The following RNF14 variants were observed in gnomAD, a reference collection of about 807,000 sequenced individuals.
The protein encoded by RNF14 is ring finger protein 14.
In RNF14, 26 loss-of-function variants were observed where a neutral mutation model predicts 52.6. The ratio of observed to expected loss-of-function variants is 0.49; its 90% CI spans 0.36 to 0.69. RNF14 has a LOEUF of 0.69. Among genes scored for constraint, RNF14 ranks in the 30% least tolerant of loss-of-function variants. The probability of loss-of-function intolerance (pLI) is 0.00; values close to 1 mark genes in which losing one functional copy is unlikely to be tolerated. For synonymous variants in RNF14, 194 were observed against 202.0 expected, an observed-to-expected ratio of 0.96 and a Z score of 0.34; for missense variants, 404 against 560.4, an observed-to-expected ratio of 0.72 and a Z score of 2.82.
intron 1 of RNF14, among the ~76,000 whole-genome samples, chr5:141,969,978 A>G (rs1279248063): frequency 6.6e-6 from 1 of 152,232 alleles, no homozygotes; most frequent in East Asian, 1.9e-4. Flanking sequence ...AGACAATGTG[A>G]AAGGACCTAA....
upstream of RNF14, chr5:141,956,980 A>G (rs1314338562): frequency 1.2e-6 from 2 of 1,614,056 alleles, no homozygotes; most frequent in Non-Finnish European, 1.7e-6. Flanking sequence ...GGTGTCCAGC[A>G]CCTCTGGAGG....
At chr5:141,961,674 C>G (rs1226653391) in intron 1 of RNF14, among the ~76,000 whole-genome samples, 3 of 152,184 alleles carry the variant, frequency 2.0e-5, no homozygotes, top group African/African-American at 7.2e-5. Context: ...GAAGGCCTCA[C>G]TAACCACCAA....
upstream of RNF14, among the ~76,000 whole-genome samples, chr5:141,967,707 C>T (rs144980658): frequency 7.2e-3 from 1,090 of 152,276 alleles, 7 homozygotes; most frequent in Middle Eastern, 0.02. Context: ...TATGAAAAAG[C>T]GGACACAGGA....
chr5:141,966,384 A>G (rs1014816394), upstream of RNF14, among the ~76,000 whole-genome samples: 1 of 152,224 alleles, frequency 6.6e-6, no homozygotes, highest in Non-Finnish European at 1.5e-5. Flanking sequence ...ATAAATAAAA[A>G]TGTCATAAAT....
chr5:141,989,328 G>C lies in RNF14; in HGVS notation c.*1538G>C, dbSNP rs1755470648. 6.6e-6 allele frequency: 1 copy of C among 152,156 alleles called. No individual in the cohort carries two copies. Among genetic ancestry groups the C allele is most frequent in the Admixed American group, 6.5e-5 (1 of 15,274 alleles). 9.4% of individuals were successfully genotyped at this position (152,156 alleles called of 1,614,324 possible). A position where few individuals can be genotyped will look rare whatever the true frequency, so the allele number is the denominator to read the frequency against. The stretch of plus-strand genomic sequence containing the variant: ...TTACCTGGGCTTGTGACTGAGCTTA[G>C]GTTTTAGGGCCCATATTTTGTTTAA... On this transcript the variant is annotated 3_prime_UTR_variant, in exon 9 of 9. Transcript: ENST00000394520.
intron 6 of RNF14, among the ~76,000 whole-genome samples, chr5:141,981,232 A>G (rs1754745571): frequency 6.6e-6 from 1 of 152,240 alleles, no homozygotes; most frequent in South Asian, 2.1e-4. Flanking sequence ...ATATATAGAA[A>G]TTGAGAGGGT....
At chr5:141,980,014 G>T in intron 5 of RNF14, 109 bp from the exon 6 acceptor site, 2 of 821,152 alleles carry the variant, frequency 2.4e-6, no homozygotes, top group Admixed American at 4.0e-5. Flanking sequence ...TGAAAGAGAG[G>T]TTTTAATTTA....
At chr5:141,952,073 A>G in the RNF14 span, among the ~76,000 whole-genome samples, 22 of 152,316 alleles carry the variant, frequency 1.4e-4, no homozygotes, top group Non-Finnish European at 2.9e-4. Context: ...TCATCTTTTC[A>G]TTCATTCAAC....
At chr5:141,954,210 C>T (rs1052357929), upstream of RNF14, among the ~76,000 whole-genome samples, 15 of 152,196 alleles carry the variant, frequency 9.9e-5, no homozygotes, top group Admixed American at 7.2e-4. Flanking sequence ...ATCTGCCTAA[C>T]TGCTAAGTTC....
the RNF14 span, among the ~76,000 whole-genome samples, chr5:141,950,964 C>T: frequency 6.6e-6 from 1 of 152,214 alleles, no homozygotes; most frequent in Non-Finnish European, 1.5e-5. Flanking sequence ...GATTATCTCA[C>T]TTGCTCAAGT....
chr5:141,972,040 C>G (rs1223181535), intron 2 of RNF14, among the ~76,000 whole-genome samples: 1 of 152,102 alleles, frequency 6.6e-6, no homozygotes, highest in Non-Finnish European at 1.5e-5. Context: ...AATGGTGAAT[C>G]TTTAAATTGG....
At chr5:141,967,966 C>T (rs752254596), upstream of RNF14, among the ~76,000 whole-genome samples, 185 of 152,350 alleles carry the variant, frequency 1.2e-3, 1 homozygote, top group Admixed American at 3.3e-3. Context: ...CCAAGAAACA[C>T]CATATCTATT....
chr5:141,986,995 A>G (rs536998297), intron 8 of RNF14, among the ~76,000 whole-genome samples: 2 of 152,322 alleles, frequency 1.3e-5, no homozygotes, highest in East Asian at 3.9e-4. Context: ...TCCTCCATAG[A>G]CTGGCTAGAA....
upstream of RNF14, chr5:141,962,944 C>T (rs1753286600): frequency 6.6e-6 from 1 of 152,270 alleles, no homozygotes; most frequent in South Asian, 2.1e-4. Context: ...TCATCGAGAA[C>T]CACCTATTAG....
upstream of RNF14, chr5:141,955,806 G>A (rs773986189): frequency 4.3e-6 from 7 of 1,613,822 alleles, no homozygotes; most frequent in Non-Finnish European, 5.9e-6. This position sits in a 1 kb window ranked among gnomAD's most constrained non-coding sequence, Gnocchi z 5.5. Context: ...GTAAGGGGGG[G>A]CTTCCCTGGT....
chr5:141,955,528 A>G (rs1303711486), upstream of RNF14: 2 of 1,614,084 alleles, frequency 1.2e-6, no homozygotes, highest in Non-Finnish European at 1.7e-6. This position sits in a 1 kb window ranked among gnomAD's most constrained non-coding sequence, Gnocchi z 5.5. Context: ...CACGAGGTGG[A>G]TGTCTGCCTT....
chr5:141,974,695 T>C (rs1754088340), intron 3 of RNF14, 109 bp from the exon 4 acceptor site: 1 of 1,048,758 alleles, frequency 9.5e-7, no homozygotes, highest in African/African-American at 1.7e-5. Context: ...TGGGGGAGGG[T>C]TTTTATTCCC....
chr5:141,977,952 G>A (rs954843135), intron 4 of RNF14, among the ~76,000 whole-genome samples: 1 of 152,162 alleles, frequency 6.6e-6, no homozygotes, highest in Non-Finnish European at 1.5e-5. Flanking sequence ...CCTACATGAG[G>A]TATATGGCAG....
chr5:141,980,127 A>G lies in RNF14; in HGVS notation c.839A>G (p.Lys280Arg). The change falls in exon 6 of 9, where the codon AAA (lysine) becomes AGA (arginine). Residue 280 changes from lysine (K) to arginine (R), a missense_variant. Physicochemically the swap from Lys to Arg is conservative, Grantham distance 26. Transcript: ENST00000394520. The part of the protein sequence containing the change: ...CPSVATPGQV[K>R]ELVEAELFAR... ...GTGTTTTGTATTTCCCTCCAGGTCA[A>G]AGAGTTAGTGGAAGCAGAGTTATTT... 1.9e-6 allele frequency: 3 copies of G among 1,613,878 alleles called. No individual in the cohort carries two copies. Among genetic ancestry groups the G allele is most frequent in the Non-Finnish European group, 2.5e-6 (3 of 1,179,738 alleles).
Sources: gnomAD v4.1 joint callset for allele counts (sites outside exome capture counted in the v4.1 genomes callset) on GRCh38, gnomAD v4.1.1 for gene constraint, Gnocchi (gnomAD v3.1) non-coding constraint, MANE v1.5 for transcripts, NCBI Gene and HGNC (gene_info 2026-07-23, HGNC 2026-07-21) for gene names.